Variants in STT3B observed in about 807,000 individuals in gnomAD.
The protein encoded by STT3B is dolichyl-diphosphooligosaccharide--protein glycosyltransferase subunit STT3B.
Under a neutral mutation model 96.8 loss-of-function variants are expected in STT3B, and 29 were observed. The observed-to-expected ratio is 0.30, with a 90% CI of 0.22 to 0.41. The LOEUF (loss-of-function observed/expected upper bound fraction) is 0.41, where lower values mean the gene tolerates loss of function less well. Ranked by LOEUF, STT3B falls within the 10% of genes least tolerant of loss-of-function variation. The pLI is 1.00. For missense variants in STT3B, 640 were observed against 1,022.3 expected, an observed-to-expected ratio of 0.63 and a Z score of 5.10; for synonymous variants, 367 against 360.0, an observed-to-expected ratio of 1.02 and a Z score of -0.22.
chr3:31,617,377 C>T (rs964596831), intron 7 of STT3B, among the ~76,000 whole-genome samples: 24 of 151,772 alleles, frequency 1.6e-4, no homozygotes, highest in Non-Finnish European at 2.9e-5. Context: ...CTCTTTCTCC[C>T]CTACTTTTCA....
rs552872628 is a variant in STT3B at position 31,620,756 on chromosome 3, G to C, written c.1327+926G>C. On this transcript the variant is annotated intron_variant, in intron 9 of 15. Coordinates refer to ENST00000295770, the MANE Select transcript of STT3B (RefSeq NM_178862.3). ...CTGAAACTGAGAAAAACTTTATCAC[G>C]TGCACAGGATCACACCAGTTGGTAA... Among the ~76,000 whole-genome samples, 3 of 152,266 alleles carry C rather than the reference G, an allele frequency of 2.0e-5. No individual in the cohort carries two copies. The South Asian group carries it at 6.2e-4, about 32-fold the overall frequency.
chr3:31,555,297 G>A (rs1336404838), intron 1 of STT3B, among the ~76,000 whole-genome samples: 1 of 152,010 alleles, frequency 6.6e-6, no homozygotes, highest in Non-Finnish European at 1.5e-5. Context: ...TTATTCTTGA[G>A]GTGGTTCCTA....
At chr3:31,604,398 T>G (rs1559382993) in intron 5 of STT3B, among the ~76,000 whole-genome samples, 1 of 152,042 alleles carries the variant, frequency 6.6e-6, no homozygotes, top group Non-Finnish European at 1.5e-5. Context: ...CTAGTTTAAC[T>G]TAGAAAAAAC....
At chr3:31,543,399 A>G (rs561466628) in intron 1 of STT3B, among the ~76,000 whole-genome samples, 118 of 152,320 alleles carry the variant, frequency 7.7e-4, no homozygotes, top group African/African-American at 2.6e-3. Context: ...GTAGGGAGGC[A>G]AAAGATTCTT....
At chr3:31,537,359 T>G (rs1298809888) in intron 1 of STT3B, among the ~76,000 whole-genome samples, 2 of 152,204 alleles carry the variant, frequency 1.3e-5, no homozygotes, top group African/African-American at 2.4e-5. Context: ...CAAACCAGTT[T>G]TAGAACACAA....
intron 8 of STT3B, 104 bp downstream of exon 8, chr3:31,618,092 C>A: frequency 1.5e-5 from 12 of 794,874 alleles, no homozygotes; most frequent in Middle Eastern, 2.3e-4. Flanking sequence ...GGCAACACTT[C>A]TAAGTACCAA....
chr3:31,564,845 G>C (rs952684060), intron 1 of STT3B, among the ~76,000 whole-genome samples: 94 of 152,250 alleles, frequency 6.2e-4, no homozygotes, highest in Non-Finnish European at 1.5e-4. Context: ...ATTCCTGGGG[G>C]ATTAGAAAGT....
intron 5 of STT3B, among the ~76,000 whole-genome samples, chr3:31,603,884 A>G (rs1217741360): frequency 2.0e-5 from 3 of 152,176 alleles, no homozygotes; most frequent in African/African-American, 7.2e-5. Flanking sequence ...GCAGACAGTA[A>G]GGATTACCAG....
intron 5 of STT3B, among the ~76,000 whole-genome samples, chr3:31,601,832 T>C (rs543557807): frequency 5.6e-4 from 86 of 152,336 alleles, no homozygotes; most frequent in African/African-American, 1.8e-3. Context: ...TTCAGCATAC[T>C]TTTTCATTTG....
intron 1 of STT3B, among the ~76,000 whole-genome samples, chr3:31,538,203 TAGAC>T (rs1298389949): frequency 6.6e-6 from 1 of 152,230 alleles, no homozygotes; most frequent in African/African-American, 2.4e-5. Flanking sequence ...ATCCTGCTTG[TAGAC>T]AGACATTGTT....
intron 1 of STT3B, among the ~76,000 whole-genome samples, chr3:31,549,806 AAT>A (rs1194360057): frequency 3.3e-5 from 5 of 152,214 alleles, no homozygotes; most frequent in Non-Finnish European, 7.3e-5. Context: ...GCCGGACTTA[AAT>A]ATATGTTATA....
intron 3 of STT3B, among the ~76,000 whole-genome samples, chr3:31,593,643 A>C (rs1263169517): frequency 6.6e-6 from 1 of 151,820 alleles, no homozygotes; most frequent in African/African-American, 2.4e-5. Context: ...TGCCATCTCA[A>C]ATTTGCCATT....
intron 6 of STT3B, among the ~76,000 whole-genome samples, chr3:31,616,249 T>C (rs901243180): frequency 7.9e-5 from 12 of 151,916 alleles, no homozygotes; most frequent in Admixed American, 3.9e-4. Flanking sequence ...CTCTGTGTCT[T>C]CATCTTTTCC....
chr3:31,547,003 C>T (rs553898949), intron 1 of STT3B, among the ~76,000 whole-genome samples: 1 of 152,308 alleles, frequency 6.6e-6, no homozygotes, highest in South Asian at 2.1e-4. Context: ...GCTCAACCTA[C>T]CTGTTGTACC....
intron 9 of STT3B, among the ~76,000 whole-genome samples, chr3:31,620,883 A>G (rs1306643793): frequency 6.6e-6 from 1 of 151,994 alleles, no homozygotes; most frequent in East Asian, 2.0e-4. Context: ...TTCAGTTTAA[A>G]GGATTGCACA....
intron 3 of STT3B, among the ~76,000 whole-genome samples, chr3:31,587,923 A>C (rs896082262): frequency 1.3e-5 from 2 of 152,198 alleles, no homozygotes; most frequent in South Asian, 4.1e-4. Context: ...GGTAGGGCTT[A>C]TGAAAAGAGC....
intron 1 of STT3B, among the ~76,000 whole-genome samples, chr3:31,545,468 A>G (rs1028642014): frequency 6.6e-6 from 1 of 152,222 alleles, no homozygotes; most frequent in Non-Finnish European, 1.5e-5. Context: ...TTTTAAATAA[A>G]TTGAAGTATA....
intron 14 of STT3B, among the ~76,000 whole-genome samples, chr3:31,632,082 C>CT (rs77841080): frequency 0.044 from 6,643 of 152,218 alleles, 377 homozygotes; most frequent in East Asian, 0.32. Flanking sequence ...TCTTGAACTC[C>CT]TGGGCTCAGG....
intron 1 of STT3B, 53 bp downstream of exon 1, chr3:31,533,365 C>T: frequency 7.1e-7 from 1 of 1,398,776 alleles, no homozygotes. Flanking sequence ...AACCGGGACC[C>T]GCTCCTCCGC....
Sources: gnomAD v4.1 joint callset for allele counts (sites outside exome capture counted in the v4.1 genomes callset) on GRCh38, gnomAD v4.1.1 for gene constraint, MANE v1.5 for transcripts, NCBI Gene and HGNC (gene_info 2026-07-23, HGNC 2026-07-21) for gene names.